The following DLGAP2 variants were observed in gnomAD, a reference collection of about 807,000 sequenced individuals.
DLGAP2 encodes the protein DLG associated protein 2, also known as disks large-associated protein 2.
Under a neutral mutation model 100.3 loss-of-function variants are expected in DLGAP2, and 26 were observed. That is an observed-to-expected ratio of 0.26 (90% CI 0.19 to 0.36). The LOEUF (loss-of-function observed/expected upper bound fraction) is 0.36, where lower values mean the gene tolerates loss of function less well. Ranked by LOEUF, DLGAP2 falls within the 10% of genes least tolerant of loss-of-function variation. DLGAP2 has a pLI of 1.00. For synonymous variants in DLGAP2, 886 were observed against 630.1 expected (o/e 1.41, Z -6.08); for missense variants, 1,858 against 1,453.2 (o/e 1.28, Z -4.53).
At chr8:1,333,026 C>T (rs1290591088) in intron 3 of DLGAP2, among the ~76,000 whole-genome samples, 1 of 152,112 alleles carries the variant, frequency 6.6e-6, no homozygotes, top group Admixed American at 6.5e-5. Context: ...AGGGCAGGGG[C>T]AGCCCTGTGA....
At chr8:1,573,608 G>T (rs1171337885) in intron 6 of DLGAP2, among the ~76,000 whole-genome samples, 1 of 133,104 alleles carries the variant, frequency 7.5e-6, no homozygotes, top group African/African-American at 2.5e-5. Context: ...TATTCGGGAA[G>T]TATGCAGGAA....
At chr8:879,856 A>G (rs895121116) in intron 1 of DLGAP2, among the ~76,000 whole-genome samples, 2 of 152,188 alleles carry the variant, frequency 1.3e-5, no homozygotes, top group Non-Finnish European at 2.9e-5. Flanking sequence ...TCTCATTGTT[A>G]CCTGGACTGT....
At chr8:1,050,047 C>T (rs1802632622) in intron 2 of DLGAP2, among the ~76,000 whole-genome samples, 1 of 152,228 alleles carries the variant, frequency 6.6e-6, no homozygotes, top group South Asian at 2.1e-4. Flanking sequence ...CACATGCTGT[C>T]ACACACATGT....
chr8:1,492,755 G>A (rs1799426985), intron 3 of DLGAP2, among the ~76,000 whole-genome samples: 1 of 152,164 alleles, frequency 6.6e-6, no homozygotes, highest in Non-Finnish European at 1.5e-5. Flanking sequence ...TCATGGCGAC[G>A]CAGCCGATTT....
At chr8:1,307,466 C>T (rs1212616970) in intron 3 of DLGAP2, among the ~76,000 whole-genome samples, 1 of 152,096 alleles carries the variant, frequency 6.6e-6, no homozygotes, top group Non-Finnish European at 1.5e-5. Context: ...TATGGTGAGT[C>T]TTCAAAAAAT....
At chr8:1,515,289 A>C (rs1472399121) in intron 4 of DLGAP2, among the ~76,000 whole-genome samples, 1 of 152,158 alleles carries the variant, frequency 6.6e-6, no homozygotes, top group East Asian at 1.9e-4. Flanking sequence ...TGGGCCAGAG[A>C]AACCATCATG....
At chr8:1,466,055 C>G (rs17681143) in intron 3 of DLGAP2, among the ~76,000 whole-genome samples, 1 of 152,018 alleles carries the variant, frequency 6.6e-6, no homozygotes, top group Non-Finnish European at 1.5e-5. Context: ...TTGCATCCAT[C>G]GTGACAGCGC....
chr8:1,069,837 C>A (rs1225186429), intron 2 of DLGAP2, among the ~76,000 whole-genome samples: 1 of 152,106 alleles, frequency 6.6e-6, no homozygotes, highest in East Asian at 1.9e-4. Context: ...GCTGTGAGGG[C>A]CTGTGGCTGC....
chr8:801,763 C>A (rs1361583564), intron 1 of DLGAP2, among the ~76,000 whole-genome samples: 1 of 152,164 alleles, frequency 6.6e-6, no homozygotes, highest in Admixed American at 6.5e-5. Flanking sequence ...ATAACGTTCA[C>A]AATAGGCTGT....
intron 1 of DLGAP2, among the ~76,000 whole-genome samples, chr8:872,941 AT>A (rs559492517): frequency 2.5e-4 from 38 of 152,250 alleles, no homozygotes; most frequent in African/African-American, 8.7e-4. Context: ...GCAAAAGGCT[AT>A]TTTTGCCTAT....
intron 2 of DLGAP2, among the ~76,000 whole-genome samples, chr8:1,117,499 C>T (rs1585076246): frequency 6.6e-6 from 1 of 152,012 alleles, no homozygotes; most frequent in African/African-American, 2.4e-5. Context: ...GGGGTGGACG[C>T]TGTGTAGGAC....
At chr8:835,066 C>A (rs967663807) in intron 1 of DLGAP2, among the ~76,000 whole-genome samples, 1 of 152,162 alleles carries the variant, frequency 6.6e-6, no homozygotes, top group South Asian at 2.1e-4. Context: ...TGTTAGTGTG[C>A]ATGTACATTG....
At chr8:1,614,494 C>A (rs115177695) in intron 6 of DLGAP2, among the ~76,000 whole-genome samples, 1 of 152,208 alleles carries the variant, frequency 6.6e-6, no homozygotes, top group Non-Finnish European at 1.5e-5. Flanking sequence ...ACGGCTTGGA[C>A]CCCGCTTTGT....
chr8:964,945 GCA>G (rs1799812159), intron 2 of DLGAP2, among the ~76,000 whole-genome samples: 1 of 150,910 alleles, frequency 6.6e-6, no homozygotes, highest in South Asian at 2.1e-4. Context: ...TGTCGCCACC[GCA>G]CACACGGCTC....
At chr8:809,415 G>A (rs568750888) in intron 1 of DLGAP2, among the ~76,000 whole-genome samples, 6 of 150,152 alleles carry the variant, frequency 4.0e-5, no homozygotes, top group African/African-American at 7.3e-5. Flanking sequence ...AAGAAAATAC[G>A]TCATCAGTAA....
chr8:896,678 G>A (rs548563207), intron 1 of DLGAP2, among the ~76,000 whole-genome samples: 1 of 152,212 alleles, frequency 6.6e-6, no homozygotes, highest in South Asian at 2.1e-4. Context: ...TGTCTTCTAT[G>A]GGAGGGCATG....
chr8:1,430,858 C>A (rs1797407265), intron 3 of DLGAP2, among the ~76,000 whole-genome samples: 1 of 152,156 alleles, frequency 6.6e-6, no homozygotes, highest in African/African-American at 2.4e-5. Flanking sequence ...ACGGCAGCGT[C>A]TTTGATATCA....
chr8:1,383,617 C>T (rs560013854), intron 3 of DLGAP2, among the ~76,000 whole-genome samples: 1 of 152,302 alleles, frequency 6.6e-6, no homozygotes, highest in Non-Finnish European at 1.5e-5. Context: ...GATTAACGAC[C>T]AGATCCCAAT....
intron 3 of DLGAP2, among the ~76,000 whole-genome samples, chr8:1,450,897 T>G (rs1326640307): frequency 6.6e-6 from 1 of 152,194 alleles, no homozygotes; most frequent in African/African-American, 2.4e-5. Flanking sequence ...CAGTCCTCTA[T>G]GAATTGCTTA....
Sources: gnomAD v4.1 joint callset for allele counts (sites outside exome capture counted in the v4.1 genomes callset) on GRCh38, gnomAD v4.1.1 for gene constraint, MANE v1.5 for transcripts, NCBI Gene and HGNC (gene_info 2026-07-23, HGNC 2026-07-21) for gene names.